TSC22D1: variants seen among roughly 807,000 people sequenced by gnomAD.
TSC22D1 encodes TSC22 domain family protein 1.
A neutral mutation model predicts 74.2 loss-of-function variants in TSC22D1; 9 were observed. That is an observed-to-expected ratio of 0.12 (90% confidence interval 0.07 to 0.21). The LOEUF (loss-of-function observed/expected upper bound fraction) is 0.21, where lower values mean the gene tolerates loss of function less well. TSC22D1 is among the 10% of genes least tolerant of loss of function. The pLI, the probability that TSC22D1 is intolerant of heterozygous loss-of-function variation, is 1.00. For synonymous variants in TSC22D1, 586 were observed against 492.5 expected (o/e 1.19, Z -2.51); for missense variants, 1,427 against 1,304.7 (o/e 1.09, Z -1.44).
intron 1 of TSC22D1, among the ~76,000 whole-genome samples, chr13:44,481,529 CTCAG>C (rs1416255276): frequency 9.9e-5 from 15 of 152,148 alleles, no homozygotes; most frequent in Non-Finnish European, 8.8e-5. Flanking sequence ...GAACACTAGC[CTCAG>C]TCAGTGTAAT....
intron 1 of TSC22D1, chr13:44,538,333 T>C: frequency 1.0e-6 from 1 of 985,368 alleles, no homozygotes; most frequent in Non-Finnish European, 1.2e-6. Context: ...GAAGATGAGC[T>C]AAAAGAGTAT....
chr13:44,447,369 T>TA (rs1875764556), intron 1 of TSC22D1, among the ~76,000 whole-genome samples: 1 of 152,136 alleles, frequency 6.6e-6, no homozygotes, highest in Admixed American at 6.5e-5. Flanking sequence ...TGCAAGGACT[T>TA]AAATATATTC....
In TSC22D1 at chr13:44,434,291, G is replaced by C. The variant is rs1804589; in HGVS notation, c.*335C>G. On this transcript the variant is annotated 3_prime_UTR_variant, in exon 3 of 3. Coordinates refer to ENST00000458659, the MANE Select transcript of TSC22D1 (RefSeq NM_183422.4). ...AGCGCAAGCAGGAGAGAGAACCCTT[G>C]GAAGTGAGGGGTAGGGAGCCGGAAG... 16 of 1,377,564 alleles carry C rather than the reference G, an allele frequency of 1.2e-5. No homozygotes were observed. In the East Asian group the frequency reaches 2.9e-4, roughly 25 times the overall value. The allele number at this position is 1,377,564 out of a possible 1,614,324, so 85.3% of individuals were successfully genotyped here.
intron 1 of TSC22D1, among the ~76,000 whole-genome samples, chr13:44,448,547 T>C (rs750709208): frequency 2.0e-5 from 3 of 152,180 alleles, no homozygotes; most frequent in Non-Finnish European, 1.5e-5. Flanking sequence ...CATTAACACA[T>C]TGGCAAAGTT....
At position 44,536,949 on chromosome 13, in the gene TSC22D1, A is replaced by AC. The variant is rs1566159577; in HGVS notation, c.2912+36213_2912+36214insG. 896 of 932,146 alleles carry AC rather than the reference A, an allele frequency of 9.6e-4. 26 individuals are homozygous for AC. The highest frequency in any genetic ancestry group is 5.9e-3 in the African/African-American group (307 of 52,290). The allele number at this position is 932,146 out of a possible 1,614,324, so 57.7% of individuals were successfully genotyped here. ...CTGAAAAAAAAAAAAAAAAAAAAAA[A>AC]AAAAAAAAAACAAAAAAAACTAACA... On this transcript the variant is annotated intron_variant, in intron 1 of 2. Transcript: ENST00000458659.
chr13:44,512,377 G>C (rs1342293468), intron 1 of TSC22D1, among the ~76,000 whole-genome samples: 1 of 151,872 alleles, frequency 6.6e-6, no homozygotes, highest in Non-Finnish European at 1.5e-5. Flanking sequence ...CACCGTGTTA[G>C]CCAGGATGGT....
At chr13:44,436,902 G>C in intron 1 of TSC22D1, 2 of 1,093,688 alleles carry the variant, frequency 1.8e-6, no homozygotes, top group Non-Finnish European at 2.2e-6. Context: ...GGAAAGAGCT[G>C]CGCCGATTGG....
At chr13:44,512,835 A>G (rs1879800706) in intron 1 of TSC22D1, among the ~76,000 whole-genome samples, 1 of 152,092 alleles carries the variant, frequency 6.6e-6, no homozygotes, top group East Asian at 1.9e-4. Flanking sequence ...TTTTTAGTAG[A>G]GACAGGGTTT....
At chr13:44,455,555 A>AT (rs1876517423) in intron 1 of TSC22D1, among the ~76,000 whole-genome samples, 1 of 152,232 alleles carries the variant, frequency 6.6e-6, no homozygotes, top group Non-Finnish European at 1.5e-5. Context: ...TTATTTTGGG[A>AT]TGCTTTTCAC....
At chr13:44,452,496 G>C (rs1392163399) in intron 1 of TSC22D1, 2 of 152,262 alleles carry the variant, frequency 1.3e-5, no homozygotes, top group Non-Finnish European at 1.5e-5. Context: ...CGAGCACAGG[G>C]AGCCTGGGCC....
At chr13:44,467,435 A>G (rs1877352688) in intron 1 of TSC22D1, among the ~76,000 whole-genome samples, 1 of 152,234 alleles carries the variant, frequency 6.6e-6, no homozygotes, top group Non-Finnish European at 1.5e-5. Flanking sequence ...GCACAGCAAA[A>G]GAAATAACAG....
intron 1 of TSC22D1, among the ~76,000 whole-genome samples, chr13:44,518,309 G>A (rs190296595): frequency 2.1e-4 from 32 of 152,122 alleles, no homozygotes; most frequent in African/African-American, 7.7e-4. Context: ...TTCTAATTAG[G>A]CAAACTGTGT....
intron 1 of TSC22D1, among the ~76,000 whole-genome samples, chr13:44,491,479 G>C (rs537023843): frequency 6.7e-6 from 1 of 149,620 alleles, no homozygotes; most frequent in African/African-American, 2.5e-5. Context: ...GCATGAACCC[G>C]GCAGGCGGCG....
At chr13:44,436,638 G>T in intron 1 of TSC22D1, 1 of 1,602,054 alleles carries the variant, frequency 6.2e-7, no homozygotes, top group African/African-American at 1.3e-5. Flanking sequence ...TGCAATTGCA[G>T]CCAAAAACAC....
intron 1 of TSC22D1, among the ~76,000 whole-genome samples, chr13:44,443,504 T>C (rs1875374119): frequency 6.6e-6 from 1 of 152,142 alleles, no homozygotes; most frequent in Non-Finnish European, 1.5e-5. Context: ...CCAGAAATGA[T>C]AACTAATGGT....
intron 1 of TSC22D1, among the ~76,000 whole-genome samples, chr13:44,572,263 T>C (rs1337628724): frequency 6.6e-6 from 1 of 152,222 alleles, no homozygotes; most frequent in Non-Finnish European, 1.5e-5. Context: ...AGACACAATT[T>C]GATTCAATAA....
rs140670507 is a variant in TSC22D1, at chr13:44,487,044, A to C, written c.2913-50949T>G. On this transcript the variant is annotated intron_variant, in intron 1 of 2. Transcript: ENST00000458659. ...AAAATACCTATAAGGTTTTAAATGCAAAGTTTCTACCATCTACCAAACTGC... is the reference window on the plus strand; with the variant it reads ...AAAATACCTATAAGGTTTTAAATGCCAAGTTTCTACCATCTACCAAACTGC... 3.9e-5 allele frequency among the ~76,000 whole-genome samples: 6 copies of C among 152,272 alleles called. No homozygotes were observed. The East Asian group carries it at 1.2e-3, about 29-fold the overall frequency.
chr13:44,473,671 G>A (rs1159216295), intron 1 of TSC22D1, among the ~76,000 whole-genome samples: 2 of 151,908 alleles, frequency 1.3e-5, no homozygotes, highest in Non-Finnish European at 2.9e-5. Context: ...AAGCTAGTCA[G>A]GCCAGCTTTA....
intron 1 of TSC22D1, chr13:44,436,907 G>A: frequency 9.2e-7 from 1 of 1,084,190 alleles, no homozygotes; most frequent in Non-Finnish European, 1.1e-6. Flanking sequence ...GAGCTGCGCC[G>A]ATTGGCCGGC....
Sources: allele counts gnomAD v4.1 joint callset (sites outside exome capture counted in the v4.1 genomes callset), GRCh38; gene constraint gnomAD v4.1.1; transcripts MANE v1.5; gene names NCBI Gene and HGNC (gene_info 2026-07-23, HGNC 2026-07-21).